Variants in HIVEP3 observed in about 807,000 individuals in gnomAD.
HIVEP3 encodes transcription factor HIVEP3.
Under a neutral mutation model 152.8 loss-of-function variants are expected in HIVEP3, and 49 were observed. The observed-to-expected ratio is 0.32, with a 90% CI of 0.26 to 0.41. HIVEP3 has a LOEUF of 0.41. Ranked by LOEUF, HIVEP3 falls within the 10% of genes least tolerant of loss-of-function variation. The probability of loss-of-function intolerance (pLI) is 1.00; values close to 1 mark genes in which losing one functional copy is unlikely to be tolerated. For missense variants in HIVEP3, 2,790 were observed against 3,103.3 expected (o/e 0.90, Z 2.40); for synonymous variants, 1,269 against 1,289.0 (o/e 0.98, Z 0.33).
chr1:41,803,516 C>T (rs1355989294), intron 1 of HIVEP3, among the ~76,000 whole-genome samples: 1 of 152,236 alleles, frequency 6.6e-6, no homozygotes, highest in Non-Finnish European at 1.5e-5. Flanking sequence ...GAGTCTTCCA[C>T]ACCCCAGCAT....
At chr1:41,915,675 T>C (rs1644859940) in intron 1 of HIVEP3, among the ~76,000 whole-genome samples, 1 of 152,248 alleles carries the variant, frequency 6.6e-6, no homozygotes, top group Admixed American at 6.5e-5. Context: ...ATTGTTGTGG[T>C]ATTATCCTAA....
chr1:41,746,183 C>G (rs562541240), intron 1 of HIVEP3, among the ~76,000 whole-genome samples: 10 of 152,148 alleles, frequency 6.6e-5, no homozygotes, highest in Non-Finnish European at 7.4e-5. Flanking sequence ...GATTATAAAC[C>G]ACTAATTGTA....
At chr1:41,699,460 T>C (rs12066191) in intron 2 of HIVEP3, among the ~76,000 whole-genome samples, 2 of 152,178 alleles carry the variant, frequency 1.3e-5, no homozygotes, top group South Asian at 2.1e-4. Context: ...ATCACTCTAG[T>C]ACAACCTTGC....
At chr1:41,663,711 A>G (rs1645753321) in intron 2 of HIVEP3, among the ~76,000 whole-genome samples, 1 of 152,162 alleles carries the variant, frequency 6.6e-6, no homozygotes, top group South Asian at 2.1e-4. Context: ...GGAGGAAGCT[A>G]TGGCTCCAGG....
At chr1:41,836,229 G>A (rs150569136) in intron 1 of HIVEP3, among the ~76,000 whole-genome samples, 18 of 152,312 alleles carry the variant, frequency 1.2e-4, no homozygotes, top group South Asian at 4.1e-4. Context: ...CCTCTGCCCC[G>A]CAGACTTGCC....
intron 1 of HIVEP3, among the ~76,000 whole-genome samples, chr1:42,015,472 C>T (rs1357466980): frequency 2.6e-5 from 4 of 152,312 alleles, no homozygotes; most frequent in African/African-American, 4.8e-5. Flanking sequence ...CAGAATTCAG[C>T]GTAGACACAG....
intron 5 of HIVEP3, among the ~76,000 whole-genome samples, chr1:41,539,965 T>C (rs1643488327): frequency 6.6e-6 from 1 of 152,172 alleles, no homozygotes; most frequent in African/African-American, 2.4e-5. Context: ...GAATAGCAGG[T>C]ATTGAGGCAG....
intron 1 of HIVEP3, among the ~76,000 whole-genome samples, chr1:41,787,514 C>T (rs1649420876): frequency 6.7e-6 from 1 of 148,878 alleles, no homozygotes; most frequent in Non-Finnish European, 1.5e-5. Context: ...AAGTGATTTT[C>T]TCTTTTCCTT....
At chr1:41,794,414 A>G (rs1174033609) in intron 1 of HIVEP3, among the ~76,000 whole-genome samples, 1 of 152,214 alleles carries the variant, frequency 6.6e-6, no homozygotes, top group Admixed American at 6.5e-5. Flanking sequence ...GTAGATCCTT[A>G]TCCATATCAG....
chr1:41,919,436 C>T (rs1359478623), upstream of HIVEP3, among the ~76,000 whole-genome samples: 2 of 152,194 alleles, frequency 1.3e-5, no homozygotes, highest in Non-Finnish European at 2.9e-5. Flanking sequence ...GCTCTGCAGT[C>T]TCAGGGTCCA....
intron 1 of HIVEP3, among the ~76,000 whole-genome samples, chr1:41,942,986 G>A (rs6669454): frequency 0.013 from 2,020 of 152,196 alleles, 47 homozygotes; most frequent in African/African-American, 0.047. Flanking sequence ...TGCAAGCTCG[G>A]CCTCCCGGGT....
At chr1:42,000,995 C>A (rs906534294) in intron 1 of HIVEP3, among the ~76,000 whole-genome samples, 1 of 152,208 alleles carries the variant, frequency 6.6e-6, no homozygotes, top group African/African-American at 2.4e-5. Context: ...GCAACAACCC[C>A]ATGAAGCATG....
chr1:41,527,116 CCT>C (rs146881813), intron 5 of HIVEP3, among the ~76,000 whole-genome samples: 1 of 103,566 alleles, frequency 9.7e-6, no homozygotes, highest in Non-Finnish European at 2.1e-5. Flanking sequence ...CCTCACACAC[CCT>C]CTTCCTCACA....
chr1:41,644,129 A>G (rs1645422134), intron 2 of HIVEP3, among the ~76,000 whole-genome samples: 1 of 151,666 alleles, frequency 6.6e-6, no homozygotes, highest in Non-Finnish European at 1.5e-5. Flanking sequence ...CAAGTGATCC[A>G]CCCACCTTGG....
intron 2 of HIVEP3, among the ~76,000 whole-genome samples, chr1:41,635,130 A>T (rs989099802): frequency 6.6e-6 from 1 of 152,214 alleles, no homozygotes; most frequent in African/African-American, 2.4e-5. Context: ...GACATTAACA[A>T]ATAGCAAAAA....
intron 1 of HIVEP3, among the ~76,000 whole-genome samples, chr1:41,876,921 C>T (rs1644179334): frequency 6.6e-6 from 1 of 152,138 alleles, no homozygotes; most frequent in African/African-American, 2.4e-5. Flanking sequence ...AAACTCAGCA[C>T]GTTCTACAGA....
At chr1:41,543,657 G>A (rs1643588108) in intron 5 of HIVEP3, 1 of 152,228 alleles carries the variant, frequency 6.6e-6, no homozygotes, top group Admixed American at 6.5e-5. Flanking sequence ...CCTTCCTGGT[G>A]TATCCATATT....
At chr1:41,757,195 A>G (rs919953558) in intron 1 of HIVEP3, among the ~76,000 whole-genome samples, 19 of 151,168 alleles carry the variant, frequency 1.3e-4, no homozygotes, top group Admixed American at 3.3e-4. Flanking sequence ...GGCTCACTGC[A>G]AGCTCTGCCT....
intron 1 of HIVEP3, among the ~76,000 whole-genome samples, chr1:41,980,401 A>ACAATGT: frequency 6.6e-6 from 1 of 152,374 alleles, no homozygotes; most frequent in Admixed American, 6.5e-5. Context: ...GATACATGCT[A>ACAATGT]CAATGCGATG....
Sources: gnomAD v4.1 joint callset for allele counts (sites outside exome capture counted in the v4.1 genomes callset) on GRCh38, gnomAD v4.1.1 for gene constraint, MANE v1.5 for transcripts, NCBI Gene and HGNC (gene_info 2026-07-23, HGNC 2026-07-21) for gene names.